The following SMC3 variants were observed in gnomAD, a reference collection of about 807,000 sequenced individuals.
SMC3 encodes structural maintenance of chromosomes protein 3.
A neutral mutation model predicts 171.8 loss-of-function variants in SMC3; 20 were observed. The observed-to-expected ratio is 0.12, with a 90% CI of 0.08 to 0.17. The LOEUF is 0.17. SMC3 is among the 10% of genes least tolerant of loss of function. SMC3 has a pLI of 1.00. For missense variants in SMC3, 543 were observed against 1,420.4 expected (o/e 0.38, Z 9.93); for synonymous variants, 464 against 451.1 (o/e 1.03, Z -0.36).
intron 13 of SMC3, among the ~76,000 whole-genome samples, chr10:110,589,335 C>G (rs1010909352): frequency 2.0e-5 from 3 of 152,100 alleles, no homozygotes; most frequent in Non-Finnish European, 4.4e-5. Context: ...ATCATTTTTC[C>G]TAGTCAGGAA....
chr10:110,600,624 T>C (rs1861372061), intron 22 of SMC3, 78 bp downstream of exon 22: 2 of 800,930 alleles, frequency 2.5e-6, no homozygotes, highest in Non-Finnish European at 4.4e-6. Context: ...TATCAGAGGC[T>C]CTGATTGAAA....
In SMC3 at chr10:110,599,640, A is replaced by T. The variant is rs755332346; in HGVS notation, c.2269-14A>T. ...TGGCTAATACCTTACTAATAAATGG[A>T]TAATGTCATATAGCAACGTAGCTTA... On this transcript the variant is annotated splice_polypyrimidine_tract_variant and intron_variant, in intron 20 of 28. Transcript: ENST00000361804. The T allele has an allele frequency of 1.2e-5, 20 of 1,611,198 alleles. No homozygotes were observed. Among genetic ancestry groups the T allele is most frequent in the Non-Finnish European group, 1.7e-5 (20 of 1,177,994 alleles).
Position 110,581,024 on chromosome 10 carries a change from A to G in SMC3, c.547+3A>G. The G allele has an allele frequency of 6.8e-7, 1 of 1,463,204 alleles. No individual in the cohort carries two copies. The highest frequency in any genetic ancestry group is 9.6e-7 in the Non-Finnish European group (1 of 1,042,236). The allele number at this position is 1,463,204 out of a possible 1,614,324, so 90.6% of individuals were successfully genotyped here. On this transcript the variant is annotated splice_donor_region_variant and intron_variant, in intron 8 of 28. Coordinates refer to ENST00000361804, the MANE Select transcript of SMC3 (RefSeq NM_005445.4). Reference sequence around the variant, plus strand: ...CATCTCCTTAATGAAAGAAACAGGTAAAATAAATGTGATTCTGCCTTATTT... The same window carrying G: ...CATCTCCTTAATGAAAGAAACAGGTGAAATAAATGTGATTCTGCCTTATTT...
At chr10:110,569,565 T>C (rs1860837258) in intron 2 of SMC3, among the ~76,000 whole-genome samples, 2 of 152,108 alleles carry the variant, frequency 1.3e-5, no homozygotes, top group African/African-American at 4.8e-5. Context: ...CAAACCAACA[T>C]GGCACATGTA....
At chr10:110,599,983 T>C (rs1411177856) in intron 21 of SMC3, among the ~76,000 whole-genome samples, 171 bp downstream of exon 21, 4 of 152,160 alleles carry the variant, frequency 2.6e-5, no homozygotes, top group Non-Finnish European at 1.5e-5. Flanking sequence ...TCTAAACCAA[T>C]CTAGCTAGGT....
chr10:110,598,277 C>T lies in SMC3; in HGVS notation c.2255C>T (p.Thr752Ile), dbSNP rs1564794822. ...LKEKRQQSEK[T>I]FMPKQRSLQS... Reference sequence around the variant, plus strand: ...GAGAAGAGGCAGCAGTCAGAGAAAACCTTCATGCCTAAGGTTCGTAAGTAT... The same window carrying T: ...GAGAAGAGGCAGCAGTCAGAGAAAATCTTCATGCCTAAGGTTCGTAAGTAT... The change falls in exon 20 of 29, where the codon ACC becomes ATC. Residue 752 changes from threonine to isoleucine, a missense_variant. Thr to Ile is a moderately conservative substitution (Grantham distance 89, BLOSUM62 -1). Around this residue, in one of 8 missense-constraint regions of SMC3, gnomAD observed 218 missense variants for 509.6 expected, o/e 0.43. Coordinates refer to ENST00000361804, the MANE Select transcript of SMC3 (RefSeq NM_005445.4). The T allele has an allele frequency of 1.2e-6, 2 of 1,613,890 alleles. No individual in the cohort carries two copies. Among genetic ancestry groups the T allele is most frequent in the South Asian group, 2.2e-5 (2 of 91,072 alleles).
chr10:110,605,948 A>G lies in SMC3; in HGVS notation c.*1646A>G, dbSNP rs1221618301. ...GATGTTACAAACATAACATCATTCT[A>G]GAACTTCTTAATATTGTTCTTAAGC... On this transcript the variant is annotated 3_prime_UTR_variant, in exon 29 of 29. Coordinates refer to ENST00000361804, the MANE Select transcript of SMC3 (RefSeq NM_005445.4). 6.6e-6 allele frequency among the ~76,000 whole-genome samples: 1 copy of G among 152,218 alleles called. No homozygotes were observed. The highest frequency in any genetic ancestry group is 2.4e-5 in the African/African-American group (1 of 41,468).
rs759451278 is a variant in SMC3 at position 110,581,919 on chromosome 10, T to C, written c.548-4T>C. 6.2e-7 allele frequency: 1 copy of C among 1,612,648 alleles called. No homozygotes were observed. Among genetic ancestry groups the C allele is most frequent in the Non-Finnish European group, 8.5e-7 (1 of 1,178,804 alleles). On this transcript the variant is annotated splice_region_variant and splice_polypyrimidine_tract_variant and intron_variant, in intron 8 of 28. Transcript: ENST00000361804. ...CTTCCACCTCTCTCCCCATTTCTTT[T>C]AAGAGGGCAAACGGGAAAAAATCAA...
At chr10:110,593,015 T>C in intron 17 of SMC3, 58 bp from the exon 18 acceptor site, 1 of 1,336,574 alleles carries the variant, frequency 7.5e-7, no homozygotes, top group Non-Finnish European at 1.1e-6. Flanking sequence ...AATTTCATAA[T>C]TCTAAGTTCT....
At chr10:110,578,578 T>C in intron 6 of SMC3, 50 bp from the exon 7 acceptor site, 1 of 1,376,030 alleles carries the variant, frequency 7.3e-7, no homozygotes, top group Non-Finnish European at 1.0e-6. Flanking sequence ...CATTGCTTAA[T>C]GGTGCTTTAA....
chr10:110,600,191 A>G (rs999335931), intron 21 of SMC3, among the ~76,000 whole-genome samples: 2 of 152,230 alleles, frequency 1.3e-5, no homozygotes, highest in Non-Finnish European at 2.9e-5. Context: ...ACCGATTCTA[A>G]AAAATGAAAA....
chr10:110,578,052 A>G (rs1282578334), intron 6 of SMC3, 138 bp downstream of exon 6: 1 of 661,218 alleles, frequency 1.5e-6, no homozygotes, highest in Non-Finnish European at 2.7e-6. Flanking sequence ...AGGATTACAG[A>G]CATGAGCCAC....
intron 2 of SMC3, among the ~76,000 whole-genome samples, chr10:110,571,846 T>TTCC (rs1243710943): frequency 8.5e-5 from 13 of 152,086 alleles, no homozygotes; most frequent in Admixed American, 3.3e-4. Context: ...TCATATAACT[T>TTCC]ACTGGTAATC....
intron 28 of SMC3, among the ~76,000 whole-genome samples, chr10:110,603,821 C>T (rs933595165): frequency 2.0e-5 from 3 of 152,054 alleles, no homozygotes; most frequent in African/African-American, 4.8e-5. Flanking sequence ...ATAGGCCGGG[C>T]GCAATGGCTC....
At chr10:110,590,295 G>A (rs1861185686) in intron 15 of SMC3, 117 bp from the exon 16 acceptor site, 1 of 857,252 alleles carries the variant, frequency 1.2e-6, no homozygotes, top group African/African-American at 1.7e-5. Flanking sequence ...TGTTGGAGAG[G>A]ATGTTTAGTT....
At chr10:110,579,298 G>A (rs530057077) in intron 7 of SMC3, among the ~76,000 whole-genome samples, 1 of 152,148 alleles carries the variant, frequency 6.6e-6, no homozygotes, top group South Asian at 2.1e-4. Flanking sequence ...TGGAAAGTTA[G>A]CATTTAGAAG....
chr10:110,568,038 C>T (rs941439755), intron 1 of SMC3, among the ~76,000 whole-genome samples: 2 of 152,212 alleles, frequency 1.3e-5, no homozygotes, highest in Admixed American at 6.5e-5. Flanking sequence ...CCTTTGCAGC[C>T]CCGGCCTCCC....
Position 110,601,700 on chromosome 10 carries a change from G to A in SMC3, c.2708G>A (p.Arg903His), listed in dbSNP as rs754501454. 7 of 1,612,506 alleles carry A rather than the reference G, an allele frequency of 4.3e-6. No homozygotes were observed. The highest frequency in any genetic ancestry group is 5.1e-6 in the Non-Finnish European group (6 of 1,179,102). Reference sequence around the variant, plus strand: ...AAGGAGCTTCAGAAGAGTATGGAGCGCTGGAAAAATATGGAAAAAGAACAT... The same window carrying A: ...AAGGAGCTTCAGAAGAGTATGGAGCACTGGAAAAATATGGAAAAAGAACAT... Reference protein sequence around the residue: ...GIKELQKSMERWKNMEKEHMD... With the variant: ...GIKELQKSMEHWKNMEKEHMD... The change falls in exon 24 of 29, where the codon CGC becomes CAC. Residue 903 changes from arginine to histidine, a missense_variant. Arg to His is a conservative substitution (Grantham distance 29). This residue lies in a region of SMC3 where 81 missense variants were observed against 184.2 expected (regional missense o/e 0.44). Transcript: ENST00000361804.
At chr10:110,595,641 T>C (rs919197619) in intron 18 of SMC3, among the ~76,000 whole-genome samples, 1 of 152,244 alleles carries the variant, frequency 6.6e-6, no homozygotes, top group African/African-American at 2.4e-5. Flanking sequence ...AAAATGGTGA[T>C]TCATAAATTC....
Sources: allele counts gnomAD v4.1 joint callset (sites outside exome capture counted in the v4.1 genomes callset), GRCh38; gene constraint gnomAD v4.1.1; regional missense constraint gnomAD v4.1.1; transcripts MANE v1.5; gene names NCBI Gene and HGNC (gene_info 2026-07-23, HGNC 2026-07-21).